CLSTN3: variants seen among roughly 807,000 people sequenced by gnomAD.
The protein encoded by CLSTN3 is calsyntenin 3, also known as calsyntenin-3.
A neutral mutation model predicts 95.9 loss-of-function variants in CLSTN3; 36 were observed. The observed-to-expected ratio is 0.38, with a 90% CI of 0.29 to 0.50. The LOEUF is 0.50. CLSTN3 is among the 20% of genes least tolerant of loss of function. The pLI is 0.95. For missense variants in CLSTN3, 1,084 were observed against 1,268.8 expected, an observed-to-expected ratio of 0.85 and a Z score of 2.21; for synonymous variants, 481 against 504.0, an observed-to-expected ratio of 0.95 and a Z score of 0.61.
Position 7,142,959 on chromosome 12 carries a change from A to G in CLSTN3, c.1631A>G (p.Glu544Gly). Residue 544 changes from glutamate to glycine, a missense_variant, in exon 11 of 18, where the codon GAG becomes GGG. Coordinates refer to ENST00000266546, the MANE Select transcript of CLSTN3 (RefSeq NM_014718.4). ...CGCCTGGAGAGCCGCGAGGTCATCG[A>G]GTGCCTCTATGCATGTCGGGAGGGG... ...SGRLESREVI[E>G]CLYACREGLD... is the part of the protein sequence containing the mutation. The G allele has an allele frequency of 6.2e-7, 1 of 1,614,088 alleles. No individual in the cohort carries two copies.
In CLSTN3 at chr12:7,137,907, C is replaced by A; in HGVS notation, c.1211-48C>A. 2 of 1,398,684 alleles carry A rather than the reference C, an allele frequency of 1.4e-6. No individual in the cohort carries two copies. The highest frequency in any genetic ancestry group is 1.2e-5 in the South Asian group (1 of 85,932). The allele number at this position is 1,398,684 out of a possible 1,614,324, so 86.6% of individuals were successfully genotyped here. ...TCCTTCCTGCTGCTTTGAACTTGTTCTGGCCTCAGCCTCTGCACTTGACCC... is the reference window on the plus strand; with the variant it reads ...TCCTTCCTGCTGCTTTGAACTTGTTATGGCCTCAGCCTCTGCACTTGACCC... On this transcript the variant is annotated intron_variant, in intron 7 of 17. Coordinates refer to ENST00000266546, the MANE Select transcript of CLSTN3 (RefSeq NM_014718.4). This position sits in a 1 kb window ranked among gnomAD's most constrained non-coding sequence, Gnocchi z 4.4.
chr12:7,131,216 A>C, intron 1 of CLSTN3: 2 of 224,630 alleles, frequency 8.9e-6, no homozygotes, highest in Non-Finnish European at 1.8e-5. Context: ...CTGCATTCAG[A>C]CCCTTTTGCC....
chr12:7,154,257 A>T (rs1163802971), intron 16 of CLSTN3, among the ~76,000 whole-genome samples: 1 of 152,198 alleles, frequency 6.6e-6, no homozygotes, highest in Non-Finnish European at 1.5e-5. Flanking sequence ...ATATCAAACC[A>T]TTCTAAACAT....
chr12:7,141,071 A>G lies in CLSTN3; in HGVS notation c.1324-171A>G, dbSNP rs1939516705. On this transcript the variant is annotated intron_variant, in intron 8 of 17. Coordinates refer to ENST00000266546, the MANE Select transcript of CLSTN3 (RefSeq NM_014718.4). The surrounding 1 kb of genome is among the most constrained non-coding windows in gnomAD (Gnocchi z 4.1). ...GTTGGTTGCCTGATAGATTTTGGAC[A>G]AGGATGTTATTCCTCGAGCTGGATA... Among the ~76,000 whole-genome samples the G allele has an allele frequency of 6.6e-6, 1 of 152,188 alleles. No individual in the cohort carries two copies. Among genetic ancestry groups the G allele is most frequent in the Non-Finnish European group, 1.5e-5 (1 of 68,018 alleles).
intron 12 of CLSTN3, among the ~76,000 whole-genome samples, chr12:7,146,608 C>A (rs1939625211): frequency 6.6e-6 from 1 of 152,100 alleles, no homozygotes; most frequent in African/African-American, 2.4e-5. Context: ...TTTCCAAGCA[C>A]CCTCCTCTTA....
At chr12:7,147,298 G>A (rs1263937815) in intron 12 of CLSTN3, among the ~76,000 whole-genome samples, 1 of 149,420 alleles carries the variant, frequency 6.7e-6, no homozygotes, top group Non-Finnish European at 1.5e-5. Context: ...TCCTCAGGAG[G>A]CTGAGGCACG....
chr12:7,135,864 T>C lies in CLSTN3; in HGVS notation c.653T>C (p.Val218Ala). 6.2e-7 allele frequency: 1 copy of C among 1,614,002 alleles called. No homozygotes were observed. Among genetic ancestry groups the C allele is most frequent in the Non-Finnish European group, 8.5e-7 (1 of 1,179,944 alleles). Residue 218 changes from valine (V) to alanine (A), a missense_variant, in exon 5 of 18, where the codon GTG becomes GCG. Coordinates refer to ENST00000266546, the MANE Select transcript of CLSTN3 (RefSeq NM_014718.4). ...GGTGAGAGGCTCTATAAGTTTACAG[T>C]GACAGCTTATGACTGTGGGAAGAAG... is the stretch of plus-strand genomic sequence containing the variant. ...YSGERLYKFTVTAYDCGKKRA... is the reference protein window; with the variant it reads ...YSGERLYKFTATAYDCGKKRA...
In CLSTN3 at chr12:7,158,306, C is replaced by T. The variant is rs896239286; in HGVS notation, c.*225C>T. 1 of 487,868 alleles carries T rather than the reference C, an allele frequency of 2.0e-6. No individual in the cohort carries two copies. The highest frequency in any genetic ancestry group is 3.5e-6 in the Non-Finnish European group (1 of 282,424). The allele number at this position is 487,868 out of a possible 1,614,324, so 30.2% of individuals were successfully genotyped here. A position where few individuals can be genotyped will look rare whatever the true frequency, so the allele number is the denominator to read the frequency against. ...GGGCTGTCATGCTCCTGGTGTGCCC[C>T]TTGCACTGGGGCTGGCTGGGTTGGA... On this transcript the variant is annotated 3_prime_UTR_variant, in exon 18 of 18. Transcript: ENST00000266546.
At position 7,138,061 on chromosome 12, in the gene CLSTN3, G is replaced by A. The variant is rs1407385180; in HGVS notation, c.1317G>A (p.Leu439=). ...SARPVKFLWK[L]EQVCDDEWHH... ...GCCCAGTCAAGTTCCTCTGGAAGCTGGAGCAGGTGAGGCAAGAGCCAGGCT... is the reference window on the plus strand; with the variant it reads ...GCCCAGTCAAGTTCCTCTGGAAGCTAGAGCAGGTGAGGCAAGAGCCAGGCT... Residue 439 remains leucine (L), a synonymous_variant, in exon 8 of 18, where the codon CTG becomes CTA. Transcript: ENST00000266546. 1 of 1,613,422 alleles carries A rather than the reference G, an allele frequency of 6.2e-7. No individual in the cohort carries two copies. Among genetic ancestry groups the A allele is most frequent in the East Asian group, 2.2e-5 (1 of 44,842 alleles).
chr12:7,136,030 A>C, intron 5 of CLSTN3, 77 bp downstream of exon 5: 1 of 1,538,372 alleles, frequency 6.5e-7, no homozygotes, highest in East Asian at 2.3e-5. Flanking sequence ...TCTGACAATC[A>C]TGGGGGCCAG....
intron 3 of CLSTN3, among the ~76,000 whole-genome samples, chr12:7,135,057 G>T (rs1939377364): frequency 1.3e-5 from 2 of 152,070 alleles, no homozygotes; most frequent in African/African-American, 4.8e-5. Context: ...TCTGGCATAT[G>T]GGTGTACCGT....
rs114817330 is a variant in CLSTN3 at position 7,139,256 on chromosome 12, G to C, written c.1323+1189G>C. Among the ~76,000 whole-genome samples, 1,334 of 152,302 alleles carry C rather than the reference G, an allele frequency of 8.8e-3. 22 individuals are homozygous for C. The highest frequency in any genetic ancestry group is 0.03 in the African/African-American group (1,253 of 41,552). On this transcript the variant is annotated intron_variant, in intron 8 of 17. Coordinates refer to ENST00000266546, the MANE Select transcript of CLSTN3 (RefSeq NM_014718.4). The stretch of plus-strand genomic sequence containing the variant: ...GCAAGGGACTGGGGCAGAGCATGGC[G>C]GGAGGCAAGGAAAGGAGAACTTGCC...
rs1279382603 is a variant in CLSTN3, at chr12:7,158,364, C to G, written c.*283C>G. The G allele has an allele frequency of 9.2e-6, 3 of 324,440 alleles. No individual in the cohort carries two copies. Among genetic ancestry groups the G allele is most frequent in the Admixed American group, 4.5e-5 (1 of 22,238 alleles). The allele number at this position is 324,440 out of a possible 1,614,324, so 20.1% of individuals were successfully genotyped here. On this transcript the variant is annotated 3_prime_UTR_variant, in exon 18 of 18. Transcript: ENST00000266546. Reference sequence around the variant, plus strand: ...CTGGACTTCAGCTGCCTTTCTACCCCCAATGGCAGCTGCCCCCTTAGCACT... The same window carrying G: ...CTGGACTTCAGCTGCCTTTCTACCCGCAATGGCAGCTGCCCCCTTAGCACT...
chr12:7,148,769 A>G (rs1294527536), intron 12 of CLSTN3, among the ~76,000 whole-genome samples: 1 of 152,174 alleles, frequency 6.6e-6, no homozygotes, highest in Non-Finnish European at 1.5e-5. Flanking sequence ...TTCCTTGGTG[A>G]CATCCTACCA....
chr12:7,157,382 C>G lies in CLSTN3; in HGVS notation c.2528-107C>G. On this transcript the variant is annotated intron_variant, in intron 16 of 17. Coordinates refer to ENST00000266546, the MANE Select transcript of CLSTN3 (RefSeq NM_014718.4). The surrounding 1 kb of genome is among the most constrained non-coding windows in gnomAD (Gnocchi z 5.9). ...CTTCTCGGCCACCGTGTGTTCTGCC[C>G]TGGGAGTCCTTCAGCCCGGGCTGCC... 1.0e-6 allele frequency: 1 copy of G among 962,310 alleles called. No individual in the cohort carries two copies. Among genetic ancestry groups the G allele is most frequent in the Non-Finnish European group, 1.5e-6 (1 of 663,946 alleles). The allele number at this position is 962,310 out of a possible 1,614,324, so 59.6% of individuals were successfully genotyped here. A position where few individuals can be genotyped will look rare whatever the true frequency, so the allele number is the denominator to read the frequency against.
In CLSTN3 at chr12:7,137,386, C is replaced by T; in HGVS notation, c.1210+276C>T. 2.3e-6 allele frequency: 1 copy of T among 437,968 alleles called. No individual in the cohort carries two copies. The highest frequency in any genetic ancestry group is 4.2e-6 in the Non-Finnish European group (1 of 238,382). 27.1% of individuals were successfully genotyped at this position (437,968 alleles called of 1,614,324 possible). Reference sequence around the variant, plus strand: ...GTCCCACCATGTGGTAGGCTGTCCCCACCCCCCATCTCCACCTCCATTAAA... The same window carrying T: ...GTCCCACCATGTGGTAGGCTGTCCCTACCCCCCATCTCCACCTCCATTAAA... On this transcript the variant is annotated intron_variant, in intron 7 of 17. Transcript: ENST00000266546. The surrounding 1 kb of genome is among the most constrained non-coding windows in gnomAD (Gnocchi z 4.4).
At position 7,157,220 on chromosome 12, in the gene CLSTN3, C is replaced by G. The variant is rs973607403; in HGVS notation, c.2528-269C>G. Among the ~76,000 whole-genome samples, 1 of 152,190 alleles carries G rather than the reference C, an allele frequency of 6.6e-6. No homozygotes were observed. Among genetic ancestry groups the G allele is most frequent in the African/African-American group, 2.4e-5 (1 of 41,430 alleles). On this transcript the variant is annotated intron_variant, in intron 16 of 17. Transcript: ENST00000266546. The surrounding 1 kb of genome is among the most constrained non-coding windows in gnomAD (Gnocchi z 5.9). The stretch of plus-strand genomic sequence containing the variant: ...GTGTTGGGCAGGGAGTCTTTTTCCT[C>G]CTCTGCCCTTGCCTCTCTGTACACC...
At chr12:7,146,702 C>G (rs7309769) in intron 12 of CLSTN3, among the ~76,000 whole-genome samples, 17,238 of 152,212 alleles carry the variant, frequency 0.11, 1,203 homozygotes, top group South Asian at 0.23. Context: ...ATTTGCCTTT[C>G]TTTTAACTTT....
rs1011652728 is a variant in CLSTN3 at position 7,135,660 on chromosome 12, T to C, written c.592+125T>C. 6.7e-6 allele frequency: 9 copies of C among 1,340,724 alleles called. No homozygotes were observed. In the Admixed American group the frequency reaches 1.5e-4, roughly 23 times the overall value. 83.1% of individuals were successfully genotyped at this position (1,340,724 alleles called of 1,614,324 possible). Reference sequence around the variant, plus strand: ...CCCTCACCTCACCCTTCTTCCCAAATGGAGCCTTCTCCTCCCAGATGCCTT... The same window carrying C: ...CCCTCACCTCACCCTTCTTCCCAAACGGAGCCTTCTCCTCCCAGATGCCTT... On this transcript the variant is annotated intron_variant, in intron 4 of 17. Transcript: ENST00000266546.
Sources: gnomAD v4.1 joint callset for allele counts (sites outside exome capture counted in the v4.1 genomes callset) on GRCh38, gnomAD v4.1.1 for gene constraint, Gnocchi (gnomAD v3.1) non-coding constraint, MANE v1.5 for transcripts, NCBI Gene and HGNC (gene_info 2026-07-23, HGNC 2026-07-21) for gene names.